SREK1IP1: variants seen among roughly 807,000 people sequenced by gnomAD.
The protein encoded by SREK1IP1 is protein SREK1IP1.
SREK1IP1 carries 12 observed loss-of-function variants against 22.8 expected under a neutral mutation model. The ratio of observed to expected loss-of-function variants is 0.53; its 90% CI spans 0.34 to 0.85. The LOEUF is 0.85. Ranked by LOEUF, SREK1IP1 falls within the 40% of genes least tolerant of loss-of-function variation. The pLI, the probability that SREK1IP1 is intolerant of heterozygous loss-of-function variation, is 0.02. For synonymous variants in SREK1IP1, 53 were observed against 52.7 expected (o/e 1.01, Z -0.02); for missense variants, 147 against 171.8 (o/e 0.86, Z 0.81).
chr5:64,754,003 A>G (rs945116888), intron 2 of SREK1IP1, among the ~76,000 whole-genome samples: 2 of 152,206 alleles, frequency 1.3e-5, no homozygotes, highest in African/African-American at 2.4e-5. Flanking sequence ...GGAAAGGGGG[A>G]AAAGAATAAG....
At chr5:64,738,308 G>A (rs1742497962) in intron 3 of SREK1IP1, among the ~76,000 whole-genome samples, 2 of 152,028 alleles carry the variant, frequency 1.3e-5, no homozygotes, top group Admixed American at 1.3e-4. Flanking sequence ...CATTAAGAAA[G>A]GAAGGCTAAA....
Position 64,744,532 on chromosome 5 carries a change from C to T in SREK1IP1, c.62-3332G>A, listed in dbSNP as rs74641511. Among the ~76,000 whole-genome samples the T allele has an allele frequency of 2.2e-4, 34 of 152,264 alleles. 1 individual carries two copies. In the East Asian group the frequency reaches 3.9e-3, roughly 17 times the overall value. On this transcript the variant is annotated intron_variant, in intron 2 of 4. Coordinates refer to ENST00000513458, the MANE Select transcript of SREK1IP1 (RefSeq NM_173829.4). ...TAACTAGGATACCCACCACCGCTAA[C>T]AGTTCCACTAGTGCTCTTTTGTTTA... is the stretch of plus-strand genomic sequence containing the variant.
intron 2 of SREK1IP1, among the ~76,000 whole-genome samples, chr5:64,751,069 C>A (rs916906357): frequency 4.6e-5 from 7 of 152,162 alleles, no homozygotes; most frequent in African/African-American, 9.7e-5. Context: ...GTTTCATGAC[C>A]TACAAATCTA....
At chr5:64,759,364 T>C (rs1742906290) in intron 1 of SREK1IP1, among the ~76,000 whole-genome samples, 1 of 152,226 alleles carries the variant, frequency 6.6e-6, no homozygotes, top group Admixed American at 6.5e-5. Context: ...CTAAGTTACC[T>C]ACTTCCCTGC....
chr5:64,745,659 C>T (rs896457329), intron 2 of SREK1IP1, among the ~76,000 whole-genome samples: 1 of 151,710 alleles, frequency 6.6e-6, no homozygotes, highest in Admixed American at 6.6e-5. Flanking sequence ...TACCTCTCAT[C>T]CTCTCATTGA....
chr5:64,746,112 C>T (rs1742631752), intron 2 of SREK1IP1, among the ~76,000 whole-genome samples: 1 of 152,162 alleles, frequency 6.6e-6, no homozygotes, highest in African/African-American at 2.4e-5. Flanking sequence ...GAAAGTCCAT[C>T]CAGTGTGGAA....
At chr5:64,726,809 T>G (rs1438300177) in intron 4 of SREK1IP1, among the ~76,000 whole-genome samples, 1 of 152,164 alleles carries the variant, frequency 6.6e-6, no homozygotes, top group Non-Finnish European at 1.5e-5. Context: ...CTCATGTAAT[T>G]TATTGAATAC....
At position 64,725,978 on chromosome 5, in the gene SREK1IP1, G is replaced by A. The variant is rs1422949764; in HGVS notation, c.279-1405C>T. Among the ~76,000 whole-genome samples the A allele has an allele frequency of 2.0e-5, 3 of 149,394 alleles. No individual in the cohort carries two copies. The East Asian group carries it at 6.0e-4, about 30-fold the overall frequency. ...TCCCCCGAGTTCAAGCAATTCTCCTGCCTCAGCCTCCCAAGTAGCTGGGAT... is the reference window on the plus strand; with the variant it reads ...TCCCCCGAGTTCAAGCAATTCTCCTACCTCAGCCTCCCAAGTAGCTGGGAT... On this transcript the variant is annotated intron_variant, in intron 4 of 4. Transcript: ENST00000513458.
rs1742225500 is a variant in SREK1IP1 at position 64,724,339 on chromosome 5, T to G, written c.*45A>C. On this transcript the variant is annotated 3_prime_UTR_variant, in exon 5 of 5. Transcript: ENST00000513458. The stretch of plus-strand genomic sequence containing the variant: ...AATTCCAAGGAAGGGCAAACACGTT[T>G]TAAAAACAAATTTTTAAATTTAACG... 1.3e-6 allele frequency: 2 copies of G among 1,481,878 alleles called. No individual in the cohort carries two copies. The highest frequency in any genetic ancestry group is 1.8e-6 in the Non-Finnish European group (2 of 1,114,546). 91.8% of individuals were successfully genotyped at this position (1,481,878 alleles called of 1,614,324 possible).
chr5:64,760,282 C>G (rs1742925089), intron 1 of SREK1IP1, among the ~76,000 whole-genome samples: 1 of 152,188 alleles, frequency 6.6e-6, no homozygotes, highest in Admixed American at 6.5e-5. Flanking sequence ...ACAAACACCA[C>G]CACTTTAAAT....
chr5:64,757,812 T>A (rs1307771767), intron 1 of SREK1IP1, among the ~76,000 whole-genome samples: 4 of 151,270 alleles, frequency 2.6e-5, no homozygotes, highest in Non-Finnish European at 4.4e-5. Context: ...TGCATTTTTT[T>A]AACCAATTAA....
rs769019614 is a variant in SREK1IP1 at position 64,754,359 on chromosome 5, CA to C, written c.16del (p.Cys6AlafsTer19). On this transcript the variant is annotated frameshift_variant and splice_region_variant, in exon 2 of 5. Coordinates refer to ENST00000513458, the MANE Select transcript of SREK1IP1 (RefSeq NM_173829.4). LOFTEE classifies it high-confidence loss of function. Reference protein sequence around the residue: MAVPGCNKDSVRAGCK... With the variant: MAVPGXNKDSVRAGCK... ...GCCTGCTCTGACACTGTCCTTGTTG[CA>C]ACCTGAAATACAATTGGATAGAATT... is the stretch of plus-strand genomic sequence containing the variant. The C allele has an allele frequency of 2.5e-6, 4 of 1,613,444 alleles. No individual in the cohort carries two copies. The highest frequency in any genetic ancestry group is 3.4e-6 in the Non-Finnish European group (4 of 1,179,562).
chr5:64,741,632 T>C (rs1460081938), intron 2 of SREK1IP1, among the ~76,000 whole-genome samples: 1 of 152,146 alleles, frequency 6.6e-6, no homozygotes, highest in Non-Finnish European at 1.5e-5. Flanking sequence ...ATACCTTTCA[T>C]CTAATTAAAG....
At chr5:64,759,249 A>G (rs1174139334) in intron 1 of SREK1IP1, among the ~76,000 whole-genome samples, 2 of 152,210 alleles carry the variant, frequency 1.3e-5, no homozygotes, top group African/African-American at 2.4e-5. Context: ...TAAGTTAACT[A>G]GTCAGTTTCT....
rs1299872990 is a variant in SREK1IP1, at chr5:64,719,136, A to G, written c.*5248T>C. The G allele has an allele frequency of 1.3e-5, 2 of 152,196 alleles. No individual in the cohort carries two copies. Among genetic ancestry groups the G allele is most frequent in the East Asian group, 3.8e-4 (2 of 5,204 alleles). 9.4% of individuals were successfully genotyped at this position (152,196 alleles called of 1,614,324 possible). A position where few individuals can be genotyped will look rare whatever the true frequency, so the allele number is the denominator to read the frequency against. On this transcript the variant is annotated 3_prime_UTR_variant, in exon 5 of 5. Transcript: ENST00000513458. Reference sequence around the variant, plus strand: ...ATGTTCTTTCTATATCTGCACTAATATGGTAGCCACCAGTCACATGTGGCT... The same window carrying G: ...ATGTTCTTTCTATATCTGCACTAATGTGGTAGCCACCAGTCACATGTGGCT...
At chr5:64,736,745 G>A (rs532274225) in intron 3 of SREK1IP1, among the ~76,000 whole-genome samples, 5 of 152,130 alleles carry the variant, frequency 3.3e-5, no homozygotes, top group South Asian at 4.1e-4. Context: ...TTATAGGTGT[G>A]AGCCATCATG....
At chr5:64,726,962 T>C (rs1214030277) in intron 4 of SREK1IP1, among the ~76,000 whole-genome samples, 1 of 152,200 alleles carries the variant, frequency 6.6e-6, no homozygotes, top group Admixed American at 6.5e-5. Flanking sequence ...CAGATATCAT[T>C]TCCTGTGAGC....
rs182070448 is a variant in SREK1IP1, at chr5:64,753,512, G to A, written c.61+803C>T. 2.3e-3 allele frequency among the ~76,000 whole-genome samples: 356 copies of A among 152,248 alleles called. 1 individual carries two copies. The highest frequency in any genetic ancestry group is 7.5e-3 in the African/African-American group (311 of 41,542). On this transcript the variant is annotated intron_variant, in intron 2 of 4. Coordinates refer to ENST00000513458, the MANE Select transcript of SREK1IP1 (RefSeq NM_173829.4). ...GTTTTAGCTTTGCTTGGAAGTATGC[G>A]ACTTGTTCTCTCAGCATTCTTTTAA...
chr5:64,740,166 C>G (rs191321529), intron 3 of SREK1IP1, among the ~76,000 whole-genome samples: 1 of 152,112 alleles, frequency 6.6e-6, no homozygotes, highest in East Asian at 1.9e-4. Flanking sequence ...GGTCCGCTAT[C>G]CACTCTCTCT....
Sources: allele counts gnomAD v4.1 joint callset (sites outside exome capture counted in the v4.1 genomes callset), GRCh38; gene constraint gnomAD v4.1.1; transcripts MANE v1.5; gene names NCBI Gene and HGNC (gene_info 2026-07-23, HGNC 2026-07-21).